TRMU: variants seen among roughly 807,000 people sequenced by gnomAD.
The protein encoded by TRMU is tRNA mitochondrial 2-thiouridylase, also known as mitochondrial tRNA-specific 2-thiouridylase 1.
TRMU carries 49 observed loss-of-function variants against 46.9 expected under a neutral mutation model. The ratio of observed to expected loss-of-function variants is 1.05; its 90% CI spans 0.83 to 1.33. The LOEUF (loss-of-function observed/expected upper bound fraction) is 1.33. Ranked by LOEUF, TRMU falls within the 40% of genes most tolerant of loss-of-function variation. The probability of loss-of-function intolerance (pLI) is 0.00; values close to 1 mark genes in which losing one functional copy is unlikely to be tolerated. For synonymous variants in TRMU, 241 were observed against 200.9 expected (o/e 1.20, Z -1.69); for missense variants, 572 against 532.4 (o/e 1.07, Z -0.73).
At chr22:46,344,787 GC>G (rs1374372133) in intron 3 of TRMU, among the ~76,000 whole-genome samples, 37 of 152,318 alleles carry the variant, frequency 2.4e-4, no homozygotes, top group African/African-American at 8.9e-4. Context: ...GGCATCCTGC[GC>G]TTTTTCTAGT....
intron 9 of TRMU, 54 bp downstream of exon 9, chr22:46,355,642 G>A (rs1249952989): frequency 1.2e-6 from 2 of 1,612,938 alleles, no homozygotes; most frequent in East Asian, 2.2e-5. Flanking sequence ...AGCTTCCTGA[G>A]GCCAGATTTG....
In TRMU at chr22:46,349,239, T is replaced by C. The variant is rs994916813; in HGVS notation, c.479-1052T>C. ...GTCACTCAGTTCTGCTGTTTGTACC[T>C]GCCAAGTAAGGGAGGGGGACTCGGG... On this transcript the variant is annotated intron_variant, in intron 4 of 10. Coordinates refer to ENST00000645190, the MANE Select transcript of TRMU (RefSeq NM_018006.5). This position sits in a 1 kb window ranked among gnomAD's most constrained non-coding sequence, Gnocchi z 4.6. Among the ~76,000 whole-genome samples the C allele has an allele frequency of 1.3e-5, 2 of 151,932 alleles. No individual in the cohort carries two copies. Among genetic ancestry groups the C allele is most frequent in the Admixed American group, 6.5e-5 (1 of 15,282 alleles).
At chr22:46,352,206 GGCTGCGTGTCT>G in intron 6 of TRMU, 32 bp downstream of exon 6, 1 of 1,614,150 alleles carries the variant, frequency 6.2e-7, no homozygotes, top group South Asian at 1.1e-5. Context: ...AAAGAGATGG[GGCTGCGTGTCT>G]GCCCTGGGCC....
rs569858104 is a variant in TRMU at position 46,347,120 on chromosome 22, G to A, written c.478+576G>A. 2.2e-4 allele frequency among the ~76,000 whole-genome samples: 34 copies of A among 152,280 alleles called. No individual in the cohort carries two copies. The South Asian group carries it at 3.3e-3, about 15-fold the overall frequency. On this transcript the variant is annotated intron_variant, in intron 4 of 10. Transcript: ENST00000645190. This position sits in a 1 kb window ranked among gnomAD's most constrained non-coding sequence, Gnocchi z 5.0. ...TGCTGGCCTGTCCTGGTGTACATTC[G>A]TGTGTAGAAAAGAGGAATTCCCTGT...
intron 2 of TRMU, among the ~76,000 whole-genome samples, chr22:46,343,025 G>A (rs1002148932): frequency 6.6e-6 from 1 of 152,212 alleles, no homozygotes; most frequent in African/African-American, 2.4e-5. Flanking sequence ...AGCCCTGTGA[G>A]CCTACACAGA....
intron 10 of TRMU, 142 bp downstream of exon 10, chr22:46,356,214 A>G: frequency 1.2e-6 from 1 of 844,568 alleles, no homozygotes; most frequent in Non-Finnish European, 1.9e-6. Context: ...GAGTGCCACC[A>G]GCCCTGCCCT....
chr22:46,341,356 G>A (rs748295555), intron 2 of TRMU, among the ~76,000 whole-genome samples: 7 of 151,882 alleles, frequency 4.6e-5, no homozygotes, highest in East Asian at 1.9e-4. Context: ...GAGCTTCCTG[G>A]TAACTTTCTA....
intron 8 of TRMU, chr22:46,354,677 C>G (rs562581327): frequency 6.5e-6 from 1 of 152,706 alleles, no homozygotes; most frequent in Non-Finnish European, 1.5e-5. Context: ...GGGAGAAAAG[C>G]CTGGCTGCGA....
rs1170943888 is a variant in TRMU, at chr22:46,339,843, T to C, written c.248+1899T>C. ...GATGGCTGAATTTTCCTGGGGAAAG[T>C]TACCTGTAGAATGCATGATAAATGC... On this transcript the variant is annotated intron_variant, in intron 2 of 10. Coordinates refer to ENST00000645190, the MANE Select transcript of TRMU (RefSeq NM_018006.5). This position sits in a 1 kb window ranked among gnomAD's most constrained non-coding sequence, Gnocchi z 4.8. Among the ~76,000 whole-genome samples, 1 of 151,964 alleles carries C rather than the reference T, an allele frequency of 6.6e-6. No homozygotes were observed. Among genetic ancestry groups the C allele is most frequent in the Non-Finnish European group, 1.5e-5 (1 of 68,022 alleles).
chr22:46,356,907 T>A lies in TRMU; in HGVS notation c.1167T>A (p.Ser389=), dbSNP rs1439694205. 2 of 1,613,232 alleles carry A rather than the reference T, an allele frequency of 1.2e-6. No homozygotes were observed. Among genetic ancestry groups the A allele is most frequent in the Admixed American group, 3.3e-5 (2 of 60,028 alleles). Residue 389 remains serine (S), a synonymous_variant, in exon 11 of 11, where the codon TCT becomes TCA. Coordinates refer to ENST00000645190, the MANE Select transcript of TRMU (RefSeq NM_018006.5). ...GSGKILRLGP[S]AYTLQKGQRR... ...GGAAGATCCTGCGGCTGGGGCCGTCTGCCTACACGCTCCAGAAGGGCCAGC... is the reference window on the plus strand; with the variant it reads ...GGAAGATCCTGCGGCTGGGGCCGTCAGCCTACACGCTCCAGAAGGGCCAGC...
At position 46,351,571 on chromosome 22, in the gene TRMU, TGTG is replaced by T. The variant is rs1317058904; in HGVS notation, c.652-545_652-543del. The T allele has an allele frequency of 3.6e-5, 7 of 192,892 alleles. No homozygotes were observed. The East Asian group carries it at 7.0e-4, about 19-fold the overall frequency. The allele number at this position is 192,892 out of a possible 1,614,324, so 11.9% of individuals were successfully genotyped here. A position where few individuals can be genotyped will look rare whatever the true frequency, so the allele number is the denominator to read the frequency against. On this transcript the variant is annotated intron_variant, in intron 5 of 10. Coordinates refer to ENST00000645190, the MANE Select transcript of TRMU (RefSeq NM_018006.5). The surrounding 1 kb of genome is among the most constrained non-coding windows in gnomAD (Gnocchi z 6.4). ...TTGTTTTCCGTTTCCGGTGTCGCTC[TGTG>T]GTGGGAGCCGCAGGGATGGAAGGGC...
Position 46,347,669 on chromosome 22 carries a change from C to G in TRMU, c.478+1125C>G, listed in dbSNP as rs1188015751. ...CCGGCCTCACACGTTTCACATCACT[C>G]CTCTTAGCAGTCCATGAGGTGTATG... is the stretch of plus-strand genomic sequence containing the variant. On this transcript the variant is annotated intron_variant, in intron 4 of 10. Transcript: ENST00000645190. This position sits in a 1 kb window ranked among gnomAD's most constrained non-coding sequence, Gnocchi z 5.0. 6.6e-6 allele frequency among the ~76,000 whole-genome samples: 1 copy of G among 152,174 alleles called. No individual in the cohort carries two copies. Among genetic ancestry groups the G allele is most frequent in the Non-Finnish European group, 1.5e-5 (1 of 68,032 alleles).
rs1158232248 is a variant in TRMU, at chr22:46,348,784, G to A, written c.479-1507G>A. Among the ~76,000 whole-genome samples, 3 of 152,216 alleles carry A rather than the reference G, an allele frequency of 2.0e-5. No individual in the cohort carries two copies. Among genetic ancestry groups the A allele is most frequent in the Non-Finnish European group, 4.4e-5 (3 of 68,034 alleles). ...TAGGAGAAAATGCAAATGGCTCCTA[G>A]TTTTCTGAGGCTTTTACACACATGC... On this transcript the variant is annotated intron_variant, in intron 4 of 10. Coordinates refer to ENST00000645190, the MANE Select transcript of TRMU (RefSeq NM_018006.5). This position sits in a 1 kb window ranked among gnomAD's most constrained non-coding sequence, Gnocchi z 4.8.
In TRMU at chr22:46,347,008, C is replaced by T. The variant is rs921362922; in HGVS notation, c.478+464C>T. Among the ~76,000 whole-genome samples, 4 of 152,210 alleles carry T rather than the reference C, an allele frequency of 2.6e-5. No homozygotes were observed. The highest frequency in any genetic ancestry group is 1.9e-4 in the East Asian group (1 of 5,186). On this transcript the variant is annotated intron_variant, in intron 4 of 10. Coordinates refer to ENST00000645190, the MANE Select transcript of TRMU (RefSeq NM_018006.5). The surrounding 1 kb of genome is among the most constrained non-coding windows in gnomAD (Gnocchi z 5.0). ...GGGCTCAGCAGTCAGGCTTTGTAGC[C>T]GTATTTACACGTTAGTTTATGCGTG...
At chr22:46,340,204 G>T (rs2078085227) in intron 2 of TRMU, among the ~76,000 whole-genome samples, 1 of 152,184 alleles carries the variant, frequency 6.6e-6, no homozygotes, top group South Asian at 2.1e-4. Context: ...CTGGTGGTGT[G>T]GGGGGTTGTC....
Position 46,349,793 on chromosome 22 carries a change from C to T in TRMU, c.479-498C>T, listed in dbSNP as rs1411770491. The stretch of plus-strand genomic sequence containing the variant: ...AAAGCTAATGCCTTCACAGGTAGGG[C>T]GCTGCTGGAGGCATGTGCTGGCCGC... On this transcript the variant is annotated intron_variant, in intron 4 of 10. Transcript: ENST00000645190. The surrounding 1 kb of genome is among the most constrained non-coding windows in gnomAD (Gnocchi z 4.6). Among the ~76,000 whole-genome samples the T allele has an allele frequency of 6.6e-6, 1 of 152,160 alleles. No individual in the cohort carries two copies. Among genetic ancestry groups the T allele is most frequent in the African/African-American group, 2.4e-5 (1 of 41,430 alleles).
Position 46,356,611 on chromosome 22 carries a change from G to A in TRMU, c.1102-231G>A, listed in dbSNP as rs550627551. 36 of 577,928 alleles carry A rather than the reference G, an allele frequency of 6.2e-5. No individual in the cohort carries two copies. The East Asian group carries it at 9.2e-4, about 15-fold the overall frequency. 35.8% of individuals were successfully genotyped at this position (577,928 alleles called of 1,614,324 possible). A position where few individuals can be genotyped will look rare whatever the true frequency, so the allele number is the denominator to read the frequency against. ...AGTCCCAGGAGAGGCCCCTGTGACT[G>A]TCCCACTCAGGGAGAGGTACCCTGA... On this transcript the variant is annotated intron_variant, in intron 10 of 10. Transcript: ENST00000645190.
intron 1 of TRMU, among the ~76,000 whole-genome samples, 192 bp from the exon 2 acceptor site, chr22:46,337,587 A>G (rs1228514040): frequency 2.0e-5 from 3 of 152,188 alleles, no homozygotes; most frequent in African/African-American, 7.2e-5. Flanking sequence ...CACCTCGTTA[A>G]TCTTGGGGAC....
Position 46,339,765 on chromosome 22 carries a change from A to G in TRMU, c.248+1821A>G, listed in dbSNP as rs1217523897. On this transcript the variant is annotated intron_variant, in intron 2 of 10. Coordinates refer to ENST00000645190, the MANE Select transcript of TRMU (RefSeq NM_018006.5). The surrounding 1 kb of genome is among the most constrained non-coding windows in gnomAD (Gnocchi z 4.8). ...AGAGCTTGAATATGAACCCTCTGTG[A>G]CTCTATGCTATAACATATGGGTGTC... Among the ~76,000 whole-genome samples, 1 of 152,174 alleles carries G rather than the reference A, an allele frequency of 6.6e-6. No individual in the cohort carries two copies.
Sources: allele counts gnomAD v4.1 joint callset (sites outside exome capture counted in the v4.1 genomes callset), GRCh38; gene constraint gnomAD v4.1.1; non-coding constraint Gnocchi (gnomAD v3.1); transcripts MANE v1.5; gene names NCBI Gene and HGNC (gene_info 2026-07-23, HGNC 2026-07-21).